Variants in CATSPERT observed in about 807,000 individuals in gnomAD.
CATSPERT encodes the protein catsper channel auxiliary subunit tau.
At chr2:201,493,765 G>T in the CATSPERT span, 1 of 1,537,064 alleles carries the variant, frequency 6.5e-7, no homozygotes, top group East Asian at 2.4e-5. Flanking sequence ...GTCATGTACA[G>T]TGCCACTTGA....
At chr2:201,514,248 C>T in the CATSPERT span, among the ~76,000 whole-genome samples, 2 of 152,202 alleles carry the variant, frequency 1.3e-5, no homozygotes, top group East Asian at 1.9e-4. Context: ...AAGAAAGCTA[C>T]AGACCTATAT....
the CATSPERT span, among the ~76,000 whole-genome samples, chr2:201,539,560 G>T: frequency 5.3e-5 from 6 of 113,500 alleles, no homozygotes; most frequent in African/African-American, 7.0e-5. Flanking sequence ...TAACGAGGTT[G>T]TTTTTTTTTT....
At chr2:201,587,014 A>T in the CATSPERT span, among the ~76,000 whole-genome samples, 1 of 151,170 alleles carries the variant, frequency 6.6e-6, no homozygotes, top group East Asian at 1.9e-4. Context: ...TCCTAATACA[A>T]TTTTGTTTAA....
the CATSPERT span, chr2:201,550,814 T>A: frequency 6.6e-6 from 1 of 152,228 alleles, no homozygotes; most frequent in African/African-American, 2.4e-5. Context: ...TATCAATATA[T>A]CTAGGTATGG....
the CATSPERT span, among the ~76,000 whole-genome samples, chr2:201,567,828 C>T: frequency 6.6e-6 from 1 of 152,116 alleles, no homozygotes; most frequent in African/African-American, 2.4e-5. Context: ...AGCTAGGTAC[C>T]TTATGGCTGC....
At chr2:201,514,456 G>A in the CATSPERT span, among the ~76,000 whole-genome samples, 1 of 152,070 alleles carries the variant, frequency 6.6e-6, no homozygotes, top group South Asian at 2.1e-4. Context: ...AGTAATTTCA[G>A]AAACAGCATC....
At chr2:201,561,642 C>T in the CATSPERT span, among the ~76,000 whole-genome samples, 1 of 152,108 alleles carries the variant, frequency 6.6e-6, no homozygotes, top group African/African-American at 2.4e-5. Context: ...AAGGTCAAGG[C>T]ACGTGGATCA....
chr2:201,565,961 TTTTACA>T, the CATSPERT span: 1 of 1,220,256 alleles, frequency 8.2e-7, no homozygotes, highest in African/African-American at 1.6e-5. Flanking sequence ...AACCCTTCTC[TTTTACA>T]CTTTTAGCTC....
At chr2:201,564,676 G>A in the CATSPERT span, among the ~76,000 whole-genome samples, 1 of 152,136 alleles carries the variant, frequency 6.6e-6, no homozygotes, top group Non-Finnish European at 1.5e-5. Flanking sequence ...ACATGAGAGA[G>A]ATGATCTCCC....
At chr2:201,501,332 T>C in the CATSPERT span, among the ~76,000 whole-genome samples, 3 of 144,906 alleles carry the variant, frequency 2.1e-5, no homozygotes, top group Admixed American at 7.2e-5. Flanking sequence ...GAGGTGGAGG[T>C]TGCAGTGAGC....
chr2:201,540,896 A>G, the CATSPERT span, among the ~76,000 whole-genome samples: 1 of 152,226 alleles, frequency 6.6e-6, no homozygotes, highest in South Asian at 2.1e-4. Context: ...TTACCATTCT[A>G]GATGCCATTA....
At chr2:201,545,648 A>G in the CATSPERT span, 96 of 833,686 alleles carry the variant, frequency 1.2e-4, 1 homozygote, top group Admixed American at 5.5e-4. Flanking sequence ...AAAAAAAAAA[A>G]AAAAAGAAAA....
the CATSPERT span, among the ~76,000 whole-genome samples, chr2:201,559,888 C>T: frequency 3.6e-4 from 55 of 152,134 alleles, no homozygotes; most frequent in Non-Finnish European, 5.9e-4. Context: ...AGCAAGGAAA[C>T]GTCACCTTCA....
At chr2:201,582,303 A>G in the CATSPERT span, 1 of 1,244,142 alleles carries the variant, frequency 8.0e-7, no homozygotes, top group Non-Finnish European at 1.1e-6. Context: ...CTATTACTAT[A>G]TTATGCAAAT....
At chr2:201,512,654 A>G in the CATSPERT span, among the ~76,000 whole-genome samples, 1 of 152,136 alleles carries the variant, frequency 6.6e-6, no homozygotes, top group Admixed American at 6.6e-5. Context: ...ATTCCATTGT[A>G]TGGATGTACC....
chr2:201,511,829 G>A, the CATSPERT span: 5 of 114,412 alleles, frequency 4.4e-5, no homozygotes, highest in African/African-American at 1.4e-4. Flanking sequence ...ATAACACACT[G>A]TCTACCTTGG....
At chr2:201,585,810 C>T in the CATSPERT span, among the ~76,000 whole-genome samples, 2 of 152,060 alleles carry the variant, frequency 1.3e-5, no homozygotes, top group African/African-American at 4.8e-5. Flanking sequence ...ATCTCCAAAA[C>T]AAGAAAGAAG....
chr2:201,517,240 C>T, the CATSPERT span, among the ~76,000 whole-genome samples: 24 of 152,128 alleles, frequency 1.6e-4, no homozygotes, highest in Non-Finnish European at 3.1e-4. Flanking sequence ...TGGGTGGTTT[C>T]GATCCTGCCT....
At chr2:201,619,172 C>G in the CATSPERT span, 2 of 1,601,482 alleles carry the variant, frequency 1.2e-6, no homozygotes, top group African/African-American at 1.3e-5. Flanking sequence ...ACCGACGGCC[C>G]GCTACTGCGC....
Sources: gnomAD v4.1 joint callset for allele counts (sites outside exome capture counted in the v4.1 genomes callset) on GRCh38, gnomAD v4.1.1 for gene constraint, MANE v1.5 for transcripts, NCBI Gene and HGNC (gene_info 2026-07-23, HGNC 2026-07-21) for gene names.